Variants in NEDD1 observed in about 807,000 individuals in gnomAD.
NEDD1 encodes protein NEDD1.
NEDD1 carries 33 observed loss-of-function variants against 74.0 expected under a neutral mutation model. The ratio of observed to expected loss-of-function variants is 0.45; its 90% CI spans 0.34 to 0.60. NEDD1 has a LOEUF of 0.60. NEDD1 is among the 20% of genes least tolerant of loss of function. The probability of loss-of-function intolerance (pLI) is 0.01; values close to 1 mark genes in which losing one functional copy is unlikely to be tolerated. For synonymous variants in NEDD1, 250 were observed against 264.4 expected (o/e 0.95, Z 0.53); for missense variants, 746 against 776.5 (o/e 0.96, Z 0.47).
intron 6 of NEDD1, among the ~76,000 whole-genome samples, chr12:96,926,612 T>A (rs771739939): frequency 6.6e-6 from 1 of 152,072 alleles, no homozygotes; most frequent in South Asian, 2.1e-4. Context: ...TTTATCTGAT[T>A]GTGGCCCAAA....
chr12:96,945,740 T>G lies in NEDD1; in HGVS notation c.1702T>G (p.Ser568Ala). Residue 568 changes from serine to alanine, a missense_variant, in exon 14 of 16, where the codon TCA (serine) becomes GCA (alanine). This residue lies in a region of NEDD1 where 706 missense variants were observed against 706.7 expected (regional missense o/e 1.00). Transcript: ENST00000266742. The stretch of plus-strand genomic sequence containing the variant: ...CACTGCTGGAGTTGCCAGTTCACTC[T>G]CAGAAAAAATAGCCGACAGCATTGG... Reference protein sequence around the residue: ...SVTAGVASSLSEKIADSIGNN... With the variant: ...SVTAGVASSLAEKIADSIGNN... 1 of 1,606,946 alleles carries G rather than the reference T, an allele frequency of 6.2e-7. No homozygotes were observed. Among genetic ancestry groups the G allele is most frequent in the South Asian group, 1.1e-5 (1 of 90,918 alleles).
intron 3 of NEDD1, chr12:96,912,475 C>T (rs12580563): frequency 4.0e-5 from 12 of 302,558 alleles, no homozygotes; most frequent in Admixed American, 1.5e-4. Flanking sequence ...TAGTATTTCA[C>T]GTGGGTTAAA....
At chr12:96,937,077 C>A in intron 8 of NEDD1, 121 bp from the exon 9 acceptor site, 2 of 571,056 alleles carry the variant, frequency 3.5e-6, no homozygotes, top group Admixed American at 3.8e-5. Flanking sequence ...GGTCTGCCAG[C>A]AAGCTTAAGA....
rs149087331 is a variant in NEDD1 at position 96,919,808 on chromosome 12, C to T, written c.349-177C>T. Among the ~76,000 whole-genome samples the T allele has an allele frequency of 3.8e-3, 585 of 152,276 alleles. 7 individuals carry two copies. The highest frequency in any genetic ancestry group is 0.014 in the African/African-American group (571 of 41,560). On this transcript the variant is annotated intron_variant, in intron 5 of 15. Coordinates refer to ENST00000266742, the MANE Select transcript of NEDD1 (RefSeq NM_152905.4). ...TTACCTGTCCATAATCTCTCTCTCTCGTAAAGTGCCTGGACCATTTTTATC... is the reference window on the plus strand; with the variant it reads ...TTACCTGTCCATAATCTCTCTCTCTTGTAAAGTGCCTGGACCATTTTTATC...
At chr12:96,942,741 T>C (rs1877792020) in intron 11 of NEDD1, 117 bp downstream of exon 11, 1 of 651,644 alleles carries the variant, frequency 1.5e-6, no homozygotes, top group African/African-American at 1.8e-5. Context: ...TATCGTCTCA[T>C]AATTTCTGTG....
intron 2 of NEDD1, among the ~76,000 whole-genome samples, chr12:96,908,714 G>A (rs1170672614): frequency 6.6e-6 from 1 of 152,082 alleles, no homozygotes; most frequent in Non-Finnish European, 1.5e-5. Context: ...TTAGAGTTTT[G>A]GAAAAACTGG....
chr12:96,920,305 T>G (rs1874931737), intron 6 of NEDD1, among the ~76,000 whole-genome samples, 180 bp downstream of exon 6: 1 of 151,996 alleles, frequency 6.6e-6, no homozygotes, highest in Non-Finnish European at 1.5e-5. Context: ...GGTGCTTATA[T>G]AAATTTGATT....
At chr12:96,912,847 T>A (rs1487629221) in intron 4 of NEDD1, 30 bp downstream of exon 4, 2 of 1,184,928 alleles carry the variant, frequency 1.7e-6, no homozygotes, top group South Asian at 1.3e-5. Flanking sequence ...TTTAAACTTT[T>A]AAAAATCTTA....
intron 6 of NEDD1, among the ~76,000 whole-genome samples, chr12:96,927,500 C>G (rs1728689671): frequency 6.6e-6 from 1 of 152,206 alleles, no homozygotes; most frequent in African/African-American, 2.4e-5. Context: ...CTTAGGCTCA[C>G]AAATAGGTTA....
intron 14 of NEDD1, 27 bp downstream of exon 14, chr12:96,945,876 A>G (rs1318886137): frequency 3.4e-6 from 5 of 1,455,534 alleles, no homozygotes; most frequent in East Asian, 2.3e-5. Context: ...TACTCCTTCT[A>G]TCTAGACCTT....
At chr12:96,926,812 C>T (rs965773609) in intron 6 of NEDD1, among the ~76,000 whole-genome samples, 6 of 151,828 alleles carry the variant, frequency 4.0e-5, no homozygotes, top group Non-Finnish European at 5.9e-5. Flanking sequence ...CATGGTGAAA[C>T]GCCATCTCTA....
chr12:96,946,448 A>G (rs371057887), intron 14 of NEDD1, among the ~76,000 whole-genome samples: 1 of 152,132 alleles, frequency 6.6e-6, no homozygotes, highest in Non-Finnish European at 1.5e-5. Flanking sequence ...TCTAACCTAT[A>G]GTTAATGTTG....
chr12:96,923,261 C>T (rs1288924523), intron 6 of NEDD1, among the ~76,000 whole-genome samples: 2 of 152,102 alleles, frequency 1.3e-5, no homozygotes. Flanking sequence ...TTTATCCATT[C>T]TTTTGTTGAT....
chr12:96,919,824 C>A (rs905562264), intron 5 of NEDD1, among the ~76,000 whole-genome samples, 161 bp from the exon 6 acceptor site: 1 of 152,098 alleles, frequency 6.6e-6, no homozygotes, highest in African/African-American at 2.4e-5. Context: ...GTGCCTGGAC[C>A]ATTTTTATCA....
intron 11 of NEDD1, among the ~76,000 whole-genome samples, chr12:96,943,100 G>A (rs1386296927): frequency 6.6e-6 from 1 of 151,990 alleles, no homozygotes; most frequent in Non-Finnish European, 1.5e-5. Flanking sequence ...TTAGAAGCAA[G>A]TTACTAGGTC....
intron 6 of NEDD1, among the ~76,000 whole-genome samples, chr12:96,930,870 G>A (rs188485178): frequency 6.6e-6 from 1 of 152,212 alleles, no homozygotes; most frequent in African/African-American, 2.4e-5. Context: ...AGTATTGACG[G>A]TCATTCAGAA....
intron 2 of NEDD1, among the ~76,000 whole-genome samples, chr12:96,908,794 T>G (rs1207550282): frequency 1.3e-5 from 2 of 152,332 alleles, no homozygotes; most frequent in Non-Finnish European, 2.9e-5. Context: ...AAGTTACTTA[T>G]TAGTAGTTAT....
intron 4 of NEDD1, among the ~76,000 whole-genome samples, chr12:96,917,022 T>C (rs1409163019): frequency 6.6e-6 from 1 of 152,182 alleles, no homozygotes; most frequent in East Asian, 1.9e-4. Context: ...TCTGGGTTTT[T>C]ATCTTGAGAA....
chr12:96,947,486 A>C (rs990337570), intron 14 of NEDD1, among the ~76,000 whole-genome samples: 4 of 152,200 alleles, frequency 2.6e-5, no homozygotes, highest in African/African-American at 9.6e-5. Context: ...GACAGTTGTG[A>C]AGGTCTTAAC....
Sources: allele counts gnomAD v4.1 joint callset (sites outside exome capture counted in the v4.1 genomes callset), GRCh38; gene constraint gnomAD v4.1.1; regional missense constraint gnomAD v4.1.1; transcripts MANE v1.5; gene names NCBI Gene and HGNC (gene_info 2026-07-23, HGNC 2026-07-21).